Variants in ULK4 observed in about 807,000 individuals in gnomAD.
The protein encoded by ULK4 is inactive serine/threonine-protein kinase ULK4.
A neutral mutation model predicts 160.6 loss-of-function variants in ULK4; 133 were observed. That is an observed-to-expected ratio of 0.83 (90% CI 0.72 to 0.96). ULK4 has a LOEUF of 0.96. Among genes scored for constraint, ULK4 ranks in the 40% least tolerant of loss-of-function variants. The pLI, the probability that ULK4 is intolerant of heterozygous loss-of-function variation, is 0.00. For synonymous variants in ULK4, 534 were observed against 539.8 expected, an observed-to-expected ratio of 0.99 and a Z score of 0.15; for missense variants, 1,580 against 1,499.5, an observed-to-expected ratio of 1.05 and a Z score of -0.89.
At chr3:41,378,713 T>A (rs2081574783) in intron 35 of ULK4, among the ~76,000 whole-genome samples, 1 of 151,814 alleles carries the variant, frequency 6.6e-6, no homozygotes, top group South Asian at 2.1e-4. Context: ...CACACCAACA[T>A]GGCACATATA....
chr3:41,626,305 C>G (rs1045171692), intron 30 of ULK4, among the ~76,000 whole-genome samples: 1 of 151,844 alleles, frequency 6.6e-6, no homozygotes, highest in African/African-American at 2.4e-5. Flanking sequence ...TTTGATAGTC[C>G]AAGTGTCAAT....
rs138324742 is a variant in ULK4 at position 41,700,668 on chromosome 3, C to T, written c.2781+4389G>A. Among the ~76,000 whole-genome samples, 156 of 152,172 alleles carry T rather than the reference C, an allele frequency of 1.0e-3. 1 individual carries two copies. Among genetic ancestry groups the T allele is most frequent in the Non-Finnish European group, 1.9e-3 (129 of 68,000 alleles). On this transcript the variant is annotated intron_variant, in intron 27 of 36. Transcript: ENST00000301831. ...GCTAATGGATTTCAGGGACAATGACCAGCAAGGATAAACAATACTCAGGCC... is the reference window on the plus strand; with the variant it reads ...GCTAATGGATTTCAGGGACAATGACTAGCAAGGATAAACAATACTCAGGCC...
intron 21 of ULK4, among the ~76,000 whole-genome samples, chr3:41,771,554 A>G (rs1304775765): frequency 6.6e-6 from 1 of 152,174 alleles, no homozygotes; most frequent in Non-Finnish European, 1.5e-5. Flanking sequence ...TCCAACAACA[A>G]CAAAAAATCA....
At chr3:41,442,932 T>C (rs746904859) in intron 34 of ULK4, among the ~76,000 whole-genome samples, 1 of 152,238 alleles carries the variant, frequency 6.6e-6, no homozygotes, top group African/African-American at 2.4e-5. Flanking sequence ...CTTCTTCTCA[T>C]CATATAATTT....
chr3:41,305,928 G>A (rs1323345202), intron 35 of ULK4, among the ~76,000 whole-genome samples: 2 of 150,198 alleles, frequency 1.3e-5, no homozygotes, highest in Non-Finnish European at 3.0e-5. Flanking sequence ...TCTGGGAGGT[G>A]AGGAGCATCT....
intron 2 of ULK4, among the ~76,000 whole-genome samples, chr3:41,939,072 G>A (rs1699870954): frequency 6.6e-6 from 1 of 151,906 alleles, no homozygotes; most frequent in Non-Finnish European, 1.5e-5. Context: ...AATTGAAAAG[G>A]GCAAGAAACA....
intron 32 of ULK4, among the ~76,000 whole-genome samples, chr3:41,547,922 C>CA (rs2086920430): frequency 1.3e-5 from 2 of 152,300 alleles, no homozygotes; most frequent in African/African-American, 2.4e-5. Flanking sequence ...ATGCACTCCT[C>CA]AGAGACTGAG....
intron 30 of ULK4, among the ~76,000 whole-genome samples, chr3:41,658,177 G>A (rs191640771): frequency 6.6e-6 from 1 of 152,264 alleles, no homozygotes; most frequent in Admixed American, 6.5e-5. Flanking sequence ...ACAGATGGTG[G>A]ACAGAAAACT....
At chr3:41,938,046 A>T (rs1699833636) in intron 3 of ULK4, 52 bp downstream of exon 3, 1 of 1,344,842 alleles carries the variant, frequency 7.4e-7, no homozygotes, top group Admixed American at 2.2e-5. Flanking sequence ...ACTTAACAGC[A>T]TGTTTTTTTT....
chr3:41,576,806 T>C (rs2088205679), intron 31 of ULK4, among the ~76,000 whole-genome samples: 1 of 152,228 alleles, frequency 6.6e-6, no homozygotes, highest in African/African-American at 2.4e-5. Flanking sequence ...CAAGCACTCA[T>C]GAAGCATTTG....
Position 41,857,091 on chromosome 3 carries a change from C to T in ULK4, c.1657-21120G>A, listed in dbSNP as rs144602169. On this transcript the variant is annotated intron_variant, in intron 17 of 36. Coordinates refer to ENST00000301831, the MANE Select transcript of ULK4 (RefSeq NM_017886.4). The stretch of plus-strand genomic sequence containing the variant: ...TGGCCACTCTCTCCCTCAAAGAGAT[C>T]CAACCCCTCTCTTGACTGAAACTCA... Among the ~76,000 whole-genome samples the T allele has an allele frequency of 3.1e-3, 475 of 152,246 alleles. 1 individual carries two copies. The highest frequency in any genetic ancestry group is 0.011 in the African/African-American group (451 of 41,546).
At chr3:41,681,387 CA>C in intron 29 of ULK4, 120 bp downstream of exon 29, 1 of 1,387,934 alleles carries the variant, frequency 7.2e-7, no homozygotes. Flanking sequence ...AATGAGTACA[CA>C]AGCATATGTG....
rs373364126 is a variant in ULK4, at chr3:41,793,290, C to A, written c.2011-3447G>T. Among the ~76,000 whole-genome samples the A allele has an allele frequency of 5.9e-5, 9 of 152,232 alleles. No homozygotes were observed. In the South Asian group the frequency reaches 8.3e-4, roughly 14 times the overall value. On this transcript the variant is annotated intron_variant, in intron 20 of 36. Transcript: ENST00000301831. ...ACTTCGAAAAGAACATTTAGTGTTA[C>A]CTCCAGAATTTGAATTTTCTTACAG... is the stretch of plus-strand genomic sequence containing the variant.
chr3:41,295,604 A>T lies in ULK4; in HGVS notation c.3679-46030T>A, dbSNP rs1401681590. Among the ~76,000 whole-genome samples the T allele has an allele frequency of 4.2e-5, 5 of 120,232 alleles. 2 individuals are homozygous for T. The South Asian group carries it at 8.2e-4, about 20-fold the overall frequency. 78.9% of individuals were successfully genotyped at this position (120,232 alleles called of 152,430 possible). A position where few individuals can be genotyped will look rare whatever the true frequency, so the allele number is the denominator to read the frequency against. On this transcript the variant is annotated intron_variant, in intron 35 of 36. Transcript: ENST00000301831. ...ACTGAACAGTAAGAAAACAGTTGAT[A>T]AAAAAAAAAAGCCAAAGACCATAAC... is the stretch of plus-strand genomic sequence containing the variant.
chr3:41,773,597 C>G (rs1257741180), intron 21 of ULK4, among the ~76,000 whole-genome samples: 1 of 152,158 alleles, frequency 6.6e-6, no homozygotes, highest in Non-Finnish European at 1.5e-5. Context: ...GAAGAACATT[C>G]CATGCTCATG....
chr3:41,464,012 A>C (rs2083761361), intron 32 of ULK4, among the ~76,000 whole-genome samples: 1 of 152,054 alleles, frequency 6.6e-6, no homozygotes, highest in African/African-American at 2.4e-5. Context: ...GTTCTAAAAA[A>C]AAAAAAAAAG....
intron 27 of ULK4, among the ~76,000 whole-genome samples, chr3:41,684,850 A>C (rs1559483919): frequency 6.6e-6 from 1 of 152,224 alleles, no homozygotes; most frequent in South Asian, 2.1e-4. Context: ...TATTCTCAAC[A>C]ATTTTTTAAA....
intron 32 of ULK4, among the ~76,000 whole-genome samples, chr3:41,499,352 C>T (rs1309822523): frequency 6.6e-6 from 1 of 152,144 alleles, no homozygotes; most frequent in Admixed American, 6.5e-5. Flanking sequence ...CCTGGGCAAT[C>T]AAGAGTTGAC....
At chr3:41,506,768 ATATATATATAT>A (rs1331485718) in intron 32 of ULK4, among the ~76,000 whole-genome samples, 4 of 66,758 alleles carry the variant, frequency 6.0e-5, no homozygotes, top group African/African-American at 3.4e-4. Flanking sequence ...GTGATTTAAA[ATATATATATAT>A]ATATATATAT....
Sources: gnomAD v4.1 joint callset for allele counts (sites outside exome capture counted in the v4.1 genomes callset) on GRCh38, gnomAD v4.1.1 for gene constraint, MANE v1.5 for transcripts, NCBI Gene and HGNC (gene_info 2026-07-23, HGNC 2026-07-21) for gene names.